HERC1: variants seen among roughly 807,000 people sequenced by gnomAD.
HERC1 encodes probable E3 ubiquitin-protein ligase HERC1.
HERC1 carries 160 observed loss-of-function variants against 554.3 expected under a neutral mutation model. The ratio of observed to expected loss-of-function variants is 0.29; its 90% CI spans 0.25 to 0.33. HERC1 has a LOEUF of 0.33. HERC1 is among the 10% of genes least tolerant of loss of function. HERC1 has a pLI of 1.00. For synonymous variants in HERC1, 2,175 were observed against 2,131.7 expected (o/e 1.02, Z -0.56); for missense variants, 4,919 against 5,918.5 (o/e 0.83, Z 5.54).
intron 44 of HERC1, among the ~76,000 whole-genome samples, 163 bp from the exon 45 acceptor site, chr15:63,662,184 TA>T (rs2070391889): frequency 6.6e-6 from 1 of 152,210 alleles, no homozygotes; most frequent in Non-Finnish European, 1.5e-5. Context: ...AGAATTCAGA[TA>T]ACACAATCGG....
intron 12 of HERC1, among the ~76,000 whole-genome samples, chr15:63,740,436 G>A (rs1287188671): frequency 6.6e-6 from 1 of 152,104 alleles, no homozygotes; most frequent in Non-Finnish European, 1.5e-5. Flanking sequence ...ATGCTCTTGG[G>A]TACAGACCTA....
rs372923243 is a variant in HERC1, at chr15:63,628,830, C to G, written c.12967-15G>C. The stretch of plus-strand genomic sequence containing the variant: ...CCTAAGCCGAGCTGGGAATAAATCA[C>G]AAATATACAGACATTCAATTAGAAA... On this transcript the variant is annotated splice_polypyrimidine_tract_variant and intron_variant, in intron 69 of 77. Coordinates refer to ENST00000443617, the MANE Select transcript of HERC1 (RefSeq NM_003922.4). 10 of 1,608,456 alleles carry G rather than the reference C, an allele frequency of 6.2e-6. No homozygotes were observed. The East Asian group carries it at 8.9e-5, about 14-fold the overall frequency.
At chr15:63,675,218 C>G in intron 37 of HERC1, 101 bp from the exon 38 acceptor site, 1 of 895,282 alleles carries the variant, frequency 1.1e-6, no homozygotes, top group South Asian at 1.9e-5. Flanking sequence ...ATCATGTACA[C>G]AATACAGAGA....
In HERC1 at chr15:63,756,467, G is replaced by T. The variant is rs772821047; in HGVS notation, c.1503C>A (p.Pro501=). Residue 501 remains proline, a synonymous_variant, in exon 5 of 78, where the codon CCC becomes CCA. Transcript: ENST00000443617. This position sits in a 1 kb window ranked among gnomAD's most constrained non-coding sequence, Gnocchi z 5.0. ...CTTGTAGAGGTCCCTGAATAAGCTT[G>T]GGATATTTCTGTGTTGAACTATTTC... The part of the protein sequence containing the change: ...GHGNSSTQKY[P]KLIQGPLQGK... The T allele has an allele frequency of 1.9e-6, 3 of 1,613,752 alleles. No individual in the cohort carries two copies. Among genetic ancestry groups the T allele is most frequent in the Non-Finnish European group, 2.5e-6 (3 of 1,179,780 alleles).
chr15:63,609,388 G>A (rs2067491666), intron 77 of HERC1, 122 bp from the exon 78 acceptor site: 3 of 871,098 alleles, frequency 3.4e-6, no homozygotes, highest in Admixed American at 6.2e-5. Flanking sequence ...GTTAAGTCAA[G>A]TGGACACAGA....
intron 36 of HERC1, among the ~76,000 whole-genome samples, chr15:63,678,963 A>G (rs1416963529): frequency 6.6e-6 from 1 of 152,258 alleles, no homozygotes; most frequent in Non-Finnish European, 1.5e-5. Flanking sequence ...ATTAAATGAG[A>G]TTATGCACAT....
In HERC1 at chr15:63,734,263, T is replaced by C. The variant is rs923895747; in HGVS notation, c.2646+461A>G. On this transcript the variant is annotated intron_variant, in intron 13 of 77. Transcript: ENST00000443617. This position sits in a 1 kb window ranked among gnomAD's most constrained non-coding sequence, Gnocchi z 4.6. ...CTCAAATCTGTATCTCTGAATCTGA[T>C]AACTTCTACTTGGTTGAGCAAAATG... is the stretch of plus-strand genomic sequence containing the variant. 2.6e-5 allele frequency among the ~76,000 whole-genome samples: 4 copies of C among 152,340 alleles called. No homozygotes were observed. Among genetic ancestry groups the C allele is most frequent in the East Asian group, 1.9e-4 (1 of 5,194 alleles).
Position 63,775,678 on chromosome 15 carries a change from A to T in HERC1, c.-26-29T>A. 1 of 1,340,332 alleles carries T rather than the reference A, an allele frequency of 7.5e-7. No homozygotes were observed. Among genetic ancestry groups the T allele is most frequent in the Admixed American group, 2.2e-5 (1 of 44,626 alleles). The allele number at this position is 1,340,332 out of a possible 1,614,324, so 83.0% of individuals were successfully genotyped here. The stretch of plus-strand genomic sequence containing the variant: ...CAAAGGGAGAAGAGAAAACAGTCAA[A>T]AACATACAGAGGACTCATAAAATGT... On this transcript the variant is annotated intron_variant, in intron 1 of 77. Transcript: ENST00000443617. This position sits in a 1 kb window ranked among gnomAD's most constrained non-coding sequence, Gnocchi z 4.0.
At chr15:63,626,263 C>T in intron 70 of HERC1, 109 bp from the exon 71 acceptor site, 3 of 1,029,946 alleles carry the variant, frequency 2.9e-6, no homozygotes, top group Non-Finnish European at 1.4e-6. Context: ...ACACAATGGA[C>T]ACCCATTCAA....
chr15:63,692,450 C>T lies in HERC1; in HGVS notation c.5791G>A (p.Glu1931Lys). Residue 1931 changes from glutamate (E) to lysine (K), a missense_variant, in exon 31 of 78, where the codon GAA becomes AAA. Glu to Lys is a moderately conservative substitution (Grantham distance 56, BLOSUM62 1). Coordinates refer to ENST00000443617, the MANE Select transcript of HERC1 (RefSeq NM_003922.4). This position sits in a 1 kb window ranked among gnomAD's most constrained non-coding sequence, Gnocchi z 4.7. ...QSKMASPKWTEVLLNIASQKC... is the reference protein window; with the variant it reads ...QSKMASPKWTKVLLNIASQKC... ...TGAGATGCTATATTTAGAAGCACTTCGGTCCACTTTGGGGAAGCCATTTTT... is the reference window on the plus strand; with the variant it reads ...TGAGATGCTATATTTAGAAGCACTTTGGTCCACTTTGGGGAAGCCATTTTT... 3 of 1,612,004 alleles carry T rather than the reference C, an allele frequency of 1.9e-6. No homozygotes were observed. The highest frequency in any genetic ancestry group is 1.7e-4 in the Middle Eastern group (1 of 6,054).
rs1291378902 is a variant in HERC1 at position 63,680,878 on chromosome 15, G to GCATT, written c.6226-106_6226-103dup. ...AAATATGTTTATAAATAATACTAAT[G>GCATT]CATTTATGGAAACATGTTATTTTCA... On this transcript the variant is annotated intron_variant, in intron 34 of 77. Transcript: ENST00000443617. The surrounding 1 kb of genome is among the most constrained non-coding windows in gnomAD (Gnocchi z 5.8). 5.7e-6 allele frequency: 4 copies of GCATT among 702,046 alleles called. No individual in the cohort carries two copies. The highest frequency in any genetic ancestry group is 9.5e-6 in the Non-Finnish European group (4 of 422,560). 43.5% of individuals were successfully genotyped at this position (702,046 alleles called of 1,614,324 possible).
intron 12 of HERC1, among the ~76,000 whole-genome samples, chr15:63,735,619 T>C (rs1169586025): frequency 6.6e-6 from 1 of 151,892 alleles, no homozygotes; most frequent in Non-Finnish European, 1.5e-5. Context: ...GCATAAGGAA[T>C]AGGAGCTGCA....
chr15:63,785,614 C>CA (rs2076413735), intron 1 of HERC1, among the ~76,000 whole-genome samples: 1 of 151,908 alleles, frequency 6.6e-6, no homozygotes, highest in African/African-American at 2.4e-5. Context: ...ACAAAAAATA[C>CA]AAAAAATTAG....
chr15:63,674,269 G>T (rs1179073006), intron 38 of HERC1, 73 bp downstream of exon 38: 3 of 1,237,842 alleles, frequency 2.4e-6, no homozygotes, highest in African/African-American at 1.6e-5. Flanking sequence ...CTTACAGAAT[G>T]TATCACTTCT....
chr15:63,657,652 C>A (rs2070121416), intron 48 of HERC1, among the ~76,000 whole-genome samples: 1 of 149,626 alleles, frequency 6.7e-6, no homozygotes, highest in Non-Finnish European at 1.5e-5. Flanking sequence ...ATTTATCAAT[C>A]TTTTATGGCA....
chr15:63,764,331 T>C (rs1401664046), intron 2 of HERC1, 140 bp from the exon 3 acceptor site: 1 of 611,808 alleles, frequency 1.6e-6, no homozygotes, highest in Non-Finnish European at 2.9e-6. Flanking sequence ...ATCCTAACAT[T>C]AGGTCATGAA....
chr15:63,776,447 C>T (rs2076117717), intron 1 of HERC1, among the ~76,000 whole-genome samples: 1 of 152,210 alleles, frequency 6.6e-6, no homozygotes, highest in Non-Finnish European at 1.5e-5. Context: ...AGGTGGCTGG[C>T]AGTTTCTCAT....
At position 63,764,255 on chromosome 15, in the gene HERC1, TAAAC is replaced by T; in HGVS notation, c.931-68_931-65del. The T allele has an allele frequency of 1.8e-6, 2 of 1,092,866 alleles. 1 individual carries two copies. The highest frequency in any genetic ancestry group is 3.1e-5 in the African/African-American group (2 of 64,616). The allele number at this position is 1,092,866 out of a possible 1,614,324, so 67.7% of individuals were successfully genotyped here. ...GAGAGACATATGCATTAAAATTAGTTAAACAGTCTACAAAAACAACACCTATTTG... is the reference window on the plus strand; with the variant it reads ...GAGAGACATATGCATTAAAATTAGTTAGTCTACAAAAACAACACCTATTTG... On this transcript the variant is annotated intron_variant, in intron 2 of 77. Coordinates refer to ENST00000443617, the MANE Select transcript of HERC1 (RefSeq NM_003922.4).
intron 50 of HERC1, among the ~76,000 whole-genome samples, chr15:63,654,868 CAA>C (rs879928288): frequency 3.8e-5 from 5 of 132,036 alleles, no homozygotes; most frequent in Non-Finnish European, 1.6e-5. Context: ...GACTCCATCT[CAA>C]AAAAAAAAAA....
Sources: allele counts gnomAD v4.1 joint callset (sites outside exome capture counted in the v4.1 genomes callset), GRCh38; gene constraint gnomAD v4.1.1; non-coding constraint Gnocchi (gnomAD v3.1); transcripts MANE v1.5; gene names NCBI Gene and HGNC (gene_info 2026-07-23, HGNC 2026-07-21).